ASPH: variants seen among roughly 807,000 people sequenced by gnomAD.
The protein encoded by ASPH is aspartate beta-hydroxylase.
Under a neutral mutation model 118.4 loss-of-function variants are expected in ASPH, and 100 were observed. The observed-to-expected ratio is 0.84, with a 90% confidence interval of 0.72 to 1.00. ASPH has a LOEUF of 1.00. Ranked by LOEUF, ASPH falls within the 50% of genes least tolerant of loss-of-function variation. The pLI is 0.00. For synonymous variants in ASPH, 315 were observed against 325.6 expected, an observed-to-expected ratio of 0.97 and a Z score of 0.35; for missense variants, 920 against 919.5, an observed-to-expected ratio of 1.00 and a Z score of -0.01.
At chr8:61,609,158 T>C (rs1463521126) in intron 14 of ASPH, among the ~76,000 whole-genome samples, 1 of 152,192 alleles carries the variant, frequency 6.6e-6, no homozygotes, top group African/African-American at 2.4e-5. Context: ...ACCTTCATCC[T>C]GGACCAGCTC....
At chr8:61,571,566 G>GTTATTTT (rs2131895761) in intron 16 of ASPH, among the ~76,000 whole-genome samples, 1 of 152,058 alleles carries the variant, frequency 6.6e-6, no homozygotes, top group Admixed American at 6.5e-5. Context: ...TTGTTGAAGT[G>GTTATTTT]TTATTTTTTA....
At chr8:61,697,669 A>C (rs1393384868) in intron 1 of ASPH, among the ~76,000 whole-genome samples, 3 of 152,240 alleles carry the variant, frequency 2.0e-5, no homozygotes, top group Non-Finnish European at 4.4e-5. Context: ...TTGATTATAA[A>C]GGATATTACA....
chr8:61,584,610 CT>C (rs1471291163), intron 14 of ASPH, among the ~76,000 whole-genome samples: 1 of 132,250 alleles, frequency 7.6e-6, no homozygotes, highest in Non-Finnish European at 1.7e-5. Context: ...CTCTTTCTTT[CT>C]TTTTCTTCTT....
intron 3 of ASPH, chr8:61,676,345 G>C (rs760991613): frequency 1.3e-6 from 2 of 1,553,584 alleles, no homozygotes; most frequent in South Asian, 2.4e-5. Context: ...GGAAGAGAGA[G>C]AGAAAATAAG....
intron 14 of ASPH, among the ~76,000 whole-genome samples, chr8:61,610,963 T>C (rs1269186661): frequency 1.3e-5 from 2 of 152,196 alleles, no homozygotes; most frequent in Non-Finnish European, 2.9e-5. Context: ...GACTGAATGA[T>C]TGCAACTTCA....
chr8:61,682,569 A>G, intron 2 of ASPH: 1 of 1,267,132 alleles, frequency 7.9e-7, no homozygotes, highest in Admixed American at 1.7e-5. Flanking sequence ...TACATTCCCT[A>G]ACAACATATC....
At chr8:61,605,377 C>T (rs1404654963) in intron 14 of ASPH, among the ~76,000 whole-genome samples, 1 of 152,130 alleles carries the variant, frequency 6.6e-6, no homozygotes, top group Non-Finnish European at 1.5e-5. Context: ...ACACCAGCGA[C>T]AAAGCCAAAT....
intron 1 of ASPH, among the ~76,000 whole-genome samples, chr8:61,704,358 T>A (rs190729586): frequency 1.3e-5 from 2 of 151,656 alleles, no homozygotes; most frequent in African/African-American, 4.8e-5. Context: ...AAATTCCATA[T>A]AGAAAAATAT....
intron 13 of ASPH, chr8:61,628,441 C>A (rs1853991994): frequency 3.5e-6 from 1 of 284,538 alleles, no homozygotes; most frequent in South Asian, 3.0e-5. Flanking sequence ...AGTGCTGACA[C>A]TACATGCGTG....
chr8:61,512,549 C>G (rs1241467535), intron 24 of ASPH, among the ~76,000 whole-genome samples: 2 of 152,136 alleles, frequency 1.3e-5, no homozygotes, highest in Non-Finnish European at 2.9e-5. Flanking sequence ...ACTTTGGCCT[C>G]CAGAACCACG....
intron 21 of ASPH, among the ~76,000 whole-genome samples, chr8:61,543,703 G>C (rs1377261198): frequency 6.6e-6 from 1 of 152,090 alleles, no homozygotes; most frequent in Non-Finnish European, 1.5e-5. Context: ...TATAATTTTT[G>C]TTGAAACTGG....
intron 1 of ASPH, among the ~76,000 whole-genome samples, chr8:61,691,330 A>C (rs565563877): frequency 8.2e-4 from 125 of 152,310 alleles, no homozygotes; most frequent in African/African-American, 3.0e-3. Context: ...GGACAGAGTG[A>C]AGTAGGTAGA....
intron 9 of ASPH, 140 bp from the exon 10 acceptor site, chr8:61,643,060 T>C: frequency 1.3e-6 from 1 of 796,462 alleles, no homozygotes; most frequent in Non-Finnish European, 1.9e-6. Context: ...CAGTCAATAA[T>C]AAATGCCTCT....
intron 22 of ASPH, among the ~76,000 whole-genome samples, chr8:61,518,881 A>C (rs1811901798): frequency 6.6e-6 from 1 of 152,176 alleles, no homozygotes; most frequent in Non-Finnish European, 1.5e-5. Flanking sequence ...GTGTTATTCG[A>C]GGTTTGCAGC....
At position 61,594,966 on chromosome 8, in the gene ASPH, G is replaced by A. The variant is rs575643530; in HGVS notation, c.977-10937C>T. On this transcript the variant is annotated intron_variant, in intron 14 of 24. Coordinates refer to ENST00000379454, the MANE Select transcript of ASPH (RefSeq NM_004318.4). ...ATGTCAGCAGGATCTATGTTTGACC[G>A]ATGTTTGTTCAGAACTGATATTGAC... is the stretch of plus-strand genomic sequence containing the variant. Among the ~76,000 whole-genome samples, 59 of 152,178 alleles carry A rather than the reference G, an allele frequency of 3.9e-4. 2 individuals carry two copies. The highest frequency in any genetic ancestry group is 1.3e-3 in the African/African-American group (53 of 41,546).
chr8:61,655,645 C>T (rs915415478), intron 3 of ASPH, among the ~76,000 whole-genome samples: 7 of 152,146 alleles, frequency 4.6e-5, no homozygotes, highest in Admixed American at 2.6e-4. Context: ...ACCAACATTC[C>T]GACATACAAT....
intron 24 of ASPH, among the ~76,000 whole-genome samples, chr8:61,506,992 C>T (rs1473681639): frequency 6.6e-6 from 1 of 152,128 alleles, no homozygotes; most frequent in South Asian, 2.1e-4. Flanking sequence ...CTACTTAAAA[C>T]ACTAGAAGTA....
chr8:61,611,349 A>G (rs1847298246), intron 14 of ASPH, among the ~76,000 whole-genome samples: 1 of 152,168 alleles, frequency 6.6e-6, no homozygotes, highest in African/African-American at 2.4e-5. Flanking sequence ...AAACTGCAAC[A>G]TTTTTTATGA....
intron 18 of ASPH, among the ~76,000 whole-genome samples, chr8:61,559,097 A>G (rs10107768): frequency 0.32 from 49,341 of 151,976 alleles, 10,610 homozygotes; most frequent in African/African-American, 0.61. Flanking sequence ...TACATGAGAT[A>G]TTTTGATACA....
Sources: allele counts gnomAD v4.1 joint callset (sites outside exome capture counted in the v4.1 genomes callset), GRCh38; gene constraint gnomAD v4.1.1; transcripts MANE v1.5; gene names NCBI Gene and HGNC (gene_info 2026-07-23, HGNC 2026-07-21).